The following MAK variants were observed in gnomAD, a reference collection of about 807,000 sequenced individuals.
MAK encodes the protein serine/threonine-protein kinase MAK.
MAK carries 65 observed loss-of-function variants against 82.6 expected under a neutral mutation model. The ratio of observed to expected loss-of-function variants is 0.79; its 90% CI spans 0.64 to 0.97. MAK has a LOEUF of 0.97. Among genes scored for constraint, MAK ranks in the 50% least tolerant of loss-of-function variants. The probability of loss-of-function intolerance (pLI) is 0.00; values close to 1 mark genes in which losing one functional copy is unlikely to be tolerated. For missense variants in MAK, 703 were observed against 780.2 expected (o/e 0.90, Z 1.18); for synonymous variants, 250 against 274.2 (o/e 0.91, Z 0.87).
In MAK at chr6:10,764,550, GATT is replaced by G; in HGVS notation, c.1846_1848del (p.Asn616del). 6.2e-7 allele frequency: 1 copy of G among 1,614,022 alleles called. No individual in the cohort carries two copies. Among genetic ancestry groups the G allele is most frequent in the African/African-American group, 1.3e-5 (1 of 75,030 alleles). On this transcript the variant is annotated inframe_deletion, in exon 15 of 15. Coordinates refer to ENST00000354489, the MANE Select transcript of MAK (RefSeq NM_001242957.3). ...ACAATATTTAGGTTTTTTGCTGTAG[GATT>G]ATAAGTACGTCCTGAAAACTGCCCC...
chr6:10,803,953 A>C, intron 6 of MAK, 62 bp from the exon 7 acceptor site: 1 of 1,389,100 alleles, frequency 7.2e-7, no homozygotes, highest in Non-Finnish European at 1.0e-6. Flanking sequence ...GATGGGCAGT[A>C]GCATTCTACG....
intron 5 of MAK, among the ~76,000 whole-genome samples, chr6:10,813,349 C>T (rs1024985362): frequency 6.7e-6 from 1 of 149,778 alleles, no homozygotes; most frequent in Admixed American, 6.8e-5. Flanking sequence ...GACAGGGTTT[C>T]ACCATGTTGG....
intron 4 of MAK, among the ~76,000 whole-genome samples, chr6:10,817,586 A>G (rs1777590554): frequency 2.0e-5 from 3 of 152,200 alleles, no homozygotes; most frequent in African/African-American, 7.2e-5. Context: ...ATAAATTTGT[A>G]TTTTAAAAAG....
intron 2 of MAK, among the ~76,000 whole-genome samples, chr6:10,825,897 C>G (rs1395536376): frequency 6.6e-6 from 1 of 152,194 alleles, no homozygotes; most frequent in Non-Finnish European, 1.5e-5. Flanking sequence ...TAACCTCTAA[C>G]CAAGATGACT....
intron 11 of MAK, among the ~76,000 whole-genome samples, chr6:10,783,197 G>A (rs1203150116): frequency 6.6e-6 from 1 of 152,104 alleles, no homozygotes; most frequent in African/African-American, 2.4e-5. Context: ...GTAGATACAG[G>A]ACGATTTAAA....
rs767920227 is a variant in MAK, at chr6:10,817,926, C to G, written c.202G>C (p.Val68Leu). 5.6e-6 allele frequency: 8 copies of G among 1,418,508 alleles called. No homozygotes were observed. Among genetic ancestry groups the G allele is most frequent in the Non-Finnish European group, 7.8e-6 (8 of 1,020,360 alleles). 87.9% of individuals were successfully genotyped at this position (1,418,508 alleles called of 1,614,324 possible). A position where few individuals can be genotyped will look rare whatever the true frequency, so the allele number is the denominator to read the frequency against. Reference sequence around the variant, plus strand: ...TAAAGATGGTCATTTTCTCTGATAACTTCTTTCAATTTAATAACATTGGCA... The same window carrying G: ...TAAAGATGGTCATTTTCTCTGATAAGTTCTTTCAATTTAATAACATTGGCA... ...NHANVIKLKE[V>L]IRENDHLYFI... is the part of the protein sequence containing the mutation. Residue 68 changes from valine to leucine, a missense_variant, in exon 4 of 15, where the codon GTT (valine) becomes CTT (leucine). Coordinates refer to ENST00000354489, the MANE Select transcript of MAK (RefSeq NM_001242957.3).
intron 14 of MAK, among the ~76,000 whole-genome samples, chr6:10,765,443 T>TTTTTTTTC: frequency 1.5e-4 from 1 of 6,502 alleles, no homozygotes; most frequent in African/African-American, 5.1e-4. Context: ...AATGAAGATT[T>TTTTTTTTC]TTTTTTTTTT....
chr6:10,787,758 G>A (rs1455682692), intron 10 of MAK, among the ~76,000 whole-genome samples: 1 of 151,766 alleles, frequency 6.6e-6, no homozygotes, highest in Non-Finnish European at 1.5e-5. Context: ...CTACTCGGGA[G>A]GCTGAGGCAG....
rs1772078431 is a variant in MAK, at chr6:10,762,784, C to T, written c.*1668G>A. 1 of 152,522 alleles carries T rather than the reference C, an allele frequency of 6.6e-6. No individual in the cohort carries two copies. The allele number at this position is 152,522 out of a possible 1,614,324, so 9.4% of individuals were successfully genotyped here. On this transcript the variant is annotated 3_prime_UTR_variant, in exon 15 of 15. Coordinates refer to ENST00000354489, the MANE Select transcript of MAK (RefSeq NM_001242957.3). ...AAAGTGTCCCAGTAACAAAAGACTGCACAGCTTTGAGACATTAATTTAAAC... is the reference window on the plus strand; with the variant it reads ...AAAGTGTCCCAGTAACAAAAGACTGTACAGCTTTGAGACATTAATTTAAAC...
At chr6:10,807,651 T>C (rs1006242894) in intron 6 of MAK, among the ~76,000 whole-genome samples, 2 of 151,046 alleles carry the variant, frequency 1.3e-5, no homozygotes, top group African/African-American at 4.9e-5. Context: ...GATACACATA[T>C]GTTCTTGTTT....
chr6:10,828,970 T>C (rs938436810), intron 2 of MAK: 3 of 152,258 alleles, frequency 2.0e-5, no homozygotes, highest in Admixed American at 6.5e-5. Context: ...TAAATCTCTG[T>C]TGTTTAAGCC....
chr6:10,815,275 G>GT (rs1296425971), intron 4 of MAK, among the ~76,000 whole-genome samples: 2 of 151,840 alleles, frequency 1.3e-5, no homozygotes, highest in African/African-American at 2.4e-5. Context: ...CTAAAACAAT[G>GT]TTTTTTTAAT....
In MAK at chr6:10,835,278, C is replaced by A. The variant is rs549453392; in HGVS notation, c.-230+3225G>T. 5.3e-4 allele frequency among the ~76,000 whole-genome samples: 80 copies of A among 152,334 alleles called. 1 individual carries two copies. The highest frequency in any genetic ancestry group is 1.8e-3 in the African/African-American group (76 of 41,590). On this transcript the variant is annotated intron_variant, in intron 1 of 14. Transcript: ENST00000354489. ...TCTACGATTTTTCCCACCACCCTGA[C>A]CAATCTCCTACAGCTCGGATGCCCA...
chr6:10,775,188 A>G, intron 12 of MAK, 140 bp downstream of exon 12: 1 of 942,452 alleles, frequency 1.1e-6, no homozygotes, highest in Admixed American at 1.8e-5. Context: ...AGGGCTACCC[A>G]TAGGCAGAGT....
chr6:10,772,927 G>A, intron 13 of MAK, 107 bp downstream of exon 13: 2 of 719,692 alleles, frequency 2.8e-6, no homozygotes, highest in Non-Finnish European at 4.8e-6. Flanking sequence ...ACTTCTCAAA[G>A]CGGATCATCT....
chr6:10,834,243 TTAAG>T (rs1347148509), intron 1 of MAK, among the ~76,000 whole-genome samples: 1 of 152,152 alleles, frequency 6.6e-6, no homozygotes, highest in African/African-American at 2.4e-5. Flanking sequence ...TTCTTTCTGA[TTAAG>T]TAAGCATAAA....
chr6:10,783,899 G>T (rs1330552604), intron 11 of MAK, among the ~76,000 whole-genome samples: 1 of 151,996 alleles, frequency 6.6e-6, no homozygotes, highest in Non-Finnish European at 1.5e-5. Flanking sequence ...CGCACCTGTA[G>T]TCCCAGCTAC....
At chr6:10,815,053 A>G (rs1160376184) in intron 4 of MAK, among the ~76,000 whole-genome samples, 2 of 152,028 alleles carry the variant, frequency 1.3e-5, no homozygotes, top group Admixed American at 1.3e-4. Flanking sequence ...AAAAAAAATA[A>G]AGAAAGAAAT....
chr6:10,789,844 C>T (rs922909522), intron 10 of MAK, among the ~76,000 whole-genome samples: 2 of 152,040 alleles, frequency 1.3e-5, no homozygotes, highest in African/African-American at 2.4e-5. Flanking sequence ...TTAGTAAAGA[C>T]GAGGTTTCAC....
Sources: gnomAD v4.1 joint callset for allele counts (sites outside exome capture counted in the v4.1 genomes callset) on GRCh38, gnomAD v4.1.1 for gene constraint, MANE v1.5 for transcripts, NCBI Gene and HGNC (gene_info 2026-07-23, HGNC 2026-07-21) for gene names.